The following ETV6 variants were observed in gnomAD, a reference collection of about 807,000 sequenced individuals.
The protein encoded by ETV6 is transcription factor ETV6.
ETV6 carries 16 observed loss-of-function variants against 51.1 expected under a neutral mutation model. That is an observed-to-expected ratio of 0.31 (90% confidence interval 0.21 to 0.48). The LOEUF is 0.48. Among genes scored for constraint, ETV6 ranks in the 20% least tolerant of loss-of-function variants. The probability of loss-of-function intolerance (pLI) is 0.99; values close to 1 mark genes in which losing one functional copy is unlikely to be tolerated. For missense variants in ETV6, 458 were observed against 594.8 expected (o/e 0.77, Z 2.39); for synonymous variants, 240 against 224.1 (o/e 1.07, Z -0.64).
chr12:11,655,952 C>A (rs1863991609), intron 1 of ETV6, among the ~76,000 whole-genome samples: 2 of 152,124 alleles, frequency 1.3e-5, no homozygotes, highest in Admixed American at 6.5e-5. Context: ...TTTTAGTGGC[C>A]GTTGTTCTAC....
chr12:11,824,295 T>C (rs898297659), intron 2 of ETV6, among the ~76,000 whole-genome samples: 6 of 152,096 alleles, frequency 3.9e-5, no homozygotes, highest in Non-Finnish European at 8.8e-5. Context: ...AGCCAAGAGG[T>C]ATTCACCAGA....
Position 11,893,104 on chromosome 12 carries a change from G to A in ETV6, c.*2058G>A, listed in dbSNP as rs1191180148. 4.3e-6 allele frequency: 1 copy of A among 232,670 alleles called. No homozygotes were observed. The highest frequency in any genetic ancestry group is 8.5e-6 in the Non-Finnish European group (1 of 117,784). 14.4% of individuals were successfully genotyped at this position (232,670 alleles called of 1,614,324 possible). ...AGCACGCTGCAGGTGTCTTTTGAGA[G>A]CATTCAGTAGGACATGGTGATCCCT... On this transcript the variant is annotated 3_prime_UTR_variant, in exon 8 of 8. Transcript: ENST00000396373.
chr12:11,688,183 A>G (rs205534), intron 1 of ETV6, among the ~76,000 whole-genome samples: 74,883 of 151,900 alleles, frequency 0.49, 18,783 homozygotes, highest in Middle Eastern at 0.58. Flanking sequence ...ATCGAAGTAG[A>G]TACCTTACGG....
intron 1 of ETV6, among the ~76,000 whole-genome samples, chr12:11,715,739 G>A (rs1865262573): frequency 6.6e-6 from 1 of 152,174 alleles, no homozygotes; most frequent in Non-Finnish European, 1.5e-5. Context: ...TATGACAGCC[G>A]ATTTCTCTCT....
chr12:11,833,601 T>C (rs540370905), intron 2 of ETV6, among the ~76,000 whole-genome samples: 5 of 152,390 alleles, frequency 3.3e-5, no homozygotes, highest in African/African-American at 9.6e-5. Flanking sequence ...CTCTTCCATT[T>C]CCTGGCTGAG....
chr12:11,784,007 G>A (rs976026938), intron 2 of ETV6, among the ~76,000 whole-genome samples: 1 of 151,568 alleles, frequency 6.6e-6, no homozygotes, highest in Non-Finnish European at 1.5e-5. Flanking sequence ...ATACTAATTT[G>A]TCTGTCTGTG....
chr12:11,770,832 C>G (rs1481377934), intron 2 of ETV6, among the ~76,000 whole-genome samples: 1 of 151,856 alleles, frequency 6.6e-6, no homozygotes, highest in Admixed American at 6.6e-5. Flanking sequence ...CCCATGAGTT[C>G]AAGGCTGCAG....
At chr12:11,762,249 C>T (rs1008172728) in intron 2 of ETV6, among the ~76,000 whole-genome samples, 1 of 152,214 alleles carries the variant, frequency 6.6e-6, no homozygotes, top group Non-Finnish European at 1.5e-5. Flanking sequence ...TTCTCATAGC[C>T]CCCTTTCTGG....
intron 4 of ETV6, among the ~76,000 whole-genome samples, chr12:11,867,341 C>A (rs545975708): frequency 6.6e-6 from 1 of 152,252 alleles, no homozygotes; most frequent in South Asian, 2.1e-4. Flanking sequence ...TATCAAGATA[C>A]TCCTCATTCC....
intron 1 of ETV6, among the ~76,000 whole-genome samples, chr12:11,709,466 T>C (rs1039527936): frequency 6.6e-6 from 1 of 152,106 alleles, no homozygotes; most frequent in Non-Finnish European, 1.5e-5. Flanking sequence ...AACCTCCCAA[T>C]AGCTGAGAAT....
rs1947362349 is a variant in ETV6 at position 11,894,516 on chromosome 12, A to G, written c.*3470A>G. The stretch of plus-strand genomic sequence containing the variant: ...AGGGTATCCCCACAGAAAAAGAGGA[A>G]TAATAGACCAATGGATTTTCTCCTT... On this transcript the variant is annotated 3_prime_UTR_variant, in exon 8 of 8. Coordinates refer to ENST00000396373, the MANE Select transcript of ETV6 (RefSeq NM_001987.5). 4.3e-6 allele frequency: 1 copy of G among 233,182 alleles called. No homozygotes were observed. Among genetic ancestry groups the G allele is most frequent in the African/African-American group, 2.2e-5 (1 of 45,360 alleles). 14.4% of individuals were successfully genotyped at this position (233,182 alleles called of 1,614,324 possible).
At chr12:11,688,225 C>G (rs1864674574) in intron 1 of ETV6, among the ~76,000 whole-genome samples, 1 of 152,130 alleles carries the variant, frequency 6.6e-6, no homozygotes, top group South Asian at 2.1e-4. Context: ...ATGGAAGAGT[C>G]TGGTGTATAC....
intron 2 of ETV6, among the ~76,000 whole-genome samples, chr12:11,801,871 G>A (rs1392188729): frequency 1.3e-5 from 2 of 152,202 alleles, no homozygotes; most frequent in African/African-American, 4.8e-5. Context: ...CCCAAGGCCA[G>A]CAGAAGTAAG....
chr12:11,769,038 A>T (rs548756498), intron 2 of ETV6: 4 of 437,836 alleles, frequency 9.1e-6, no homozygotes, highest in African/African-American at 4.1e-5. Context: ...ACTCAGAATA[A>T]GAGAGAAAAA....
At chr12:11,880,841 G>A (rs1045435854) in intron 5 of ETV6, among the ~76,000 whole-genome samples, 3 of 152,118 alleles carry the variant, frequency 2.0e-5, no homozygotes, top group Admixed American at 6.6e-5. Context: ...CAATGGCGTC[G>A]TCAGCCTATT....
In ETV6 at chr12:11,778,521, T is replaced by C. The variant is rs1945367839; in HGVS notation, c.163+25942T>C. The stretch of plus-strand genomic sequence containing the variant: ...ATGCTCTCAATATATGCGTGTTGAA[T>C]CAAACCAGAAGAAGCAGGCTGAGGC... On this transcript the variant is annotated intron_variant, in intron 2 of 7. Coordinates refer to ENST00000396373, the MANE Select transcript of ETV6 (RefSeq NM_001987.5). Among the ~76,000 whole-genome samples the C allele has an allele frequency of 2.0e-5, 3 of 152,334 alleles. No individual in the cohort carries two copies. In the South Asian group the frequency reaches 6.2e-4, roughly 32 times the overall value.
chr12:11,829,246 A>C (rs187732094), intron 2 of ETV6, among the ~76,000 whole-genome samples: 133 of 152,264 alleles, frequency 8.7e-4, no homozygotes, highest in African/African-American at 3.1e-3. Flanking sequence ...CTCATCTACT[A>C]TCCAGTCCTT....
intron 1 of ETV6, among the ~76,000 whole-genome samples, chr12:11,665,396 G>A (rs1029588814): frequency 1.2e-4 from 18 of 152,186 alleles, no homozygotes; most frequent in African/African-American, 4.1e-4. Flanking sequence ...CCTCCCTGTT[G>A]CTGCTGGGCA....
In ETV6 at chr12:11,891,151, G is replaced by C; in HGVS notation, c.*105G>C. 26 of 844,794 alleles carry C rather than the reference G, an allele frequency of 3.1e-5. No homozygotes were observed. Among genetic ancestry groups the C allele is most frequent in the Non-Finnish European group, 1.9e-6 (1 of 525,782 alleles). The allele number at this position is 844,794 out of a possible 1,614,324, so 52.3% of individuals were successfully genotyped here. ...AGGCGGGCTGAGGAGAGTGGAAAAG[G>C]AAGCGACCCAGAAATGGCAGGGACA... is the stretch of plus-strand genomic sequence containing the variant. On this transcript the variant is annotated 3_prime_UTR_variant, in exon 8 of 8. Coordinates refer to ENST00000396373, the MANE Select transcript of ETV6 (RefSeq NM_001987.5).
Sources: gnomAD v4.1 joint callset for allele counts (sites outside exome capture counted in the v4.1 genomes callset) on GRCh38, gnomAD v4.1.1 for gene constraint, MANE v1.5 for transcripts, NCBI Gene and HGNC (gene_info 2026-07-23, HGNC 2026-07-21) for gene names.